Variants in PIGU observed in about 807,000 individuals in gnomAD.
The protein encoded by PIGU is GPI-anchor transamidase component PIGU.
Under a neutral mutation model 49.9 loss-of-function variants are expected in PIGU, and 24 were observed. The ratio of observed to expected loss-of-function variants is 0.48; its 90% CI spans 0.35 to 0.68. The LOEUF is 0.68. PIGU is among the 30% of genes least tolerant of loss of function. The pLI is 0.01. For synonymous variants in PIGU, 220 were observed against 205.7 expected (o/e 1.07, Z -0.59); for missense variants, 490 against 532.6 (o/e 0.92, Z 0.79).
At chr20:34,608,127 T>G (rs2146733534) in intron 7 of PIGU, among the ~76,000 whole-genome samples, 1 of 147,048 alleles carries the variant, frequency 6.8e-6, no homozygotes, top group South Asian at 2.1e-4. Context: ...CAGGCTGGAG[T>G]GCAGTGGTGC....
At chr20:34,639,009 T>C (rs1241580211) in intron 4 of PIGU, among the ~76,000 whole-genome samples, 1 of 152,176 alleles carries the variant, frequency 6.6e-6, no homozygotes, top group African/African-American at 2.4e-5. Flanking sequence ...TGTGCTTAAC[T>C]GTGAAGGATT....
intron 6 of PIGU, among the ~76,000 whole-genome samples, chr20:34,632,001 G>C (rs1985797698): frequency 6.7e-6 from 1 of 149,444 alleles, no homozygotes. Context: ...CACCACACCT[G>C]GCTAATTTTG....
intron 11 of PIGU, among the ~76,000 whole-genome samples, chr20:34,568,052 C>A (rs765195064): frequency 6.6e-6 from 1 of 152,142 alleles, no homozygotes; most frequent in Non-Finnish European, 1.5e-5. Context: ...TCTCATTCAC[C>A]CCTCGCAGAG....
At chr20:34,662,659 T>C (rs1233306668) in intron 1 of PIGU, among the ~76,000 whole-genome samples, 1 of 152,126 alleles carries the variant, frequency 6.6e-6, no homozygotes, top group African/African-American at 2.4e-5. Context: ...TTTTCAAAAT[T>C]GCACATTTTT....
chr20:34,606,405 T>C (rs1396938971), intron 7 of PIGU, among the ~76,000 whole-genome samples: 1 of 152,170 alleles, frequency 6.6e-6, no homozygotes, highest in Non-Finnish European at 1.5e-5. Flanking sequence ...AGTTATTGTG[T>C]CTCTTTAGTC....
At chr20:34,606,499 C>T (rs1361062324) in intron 7 of PIGU, among the ~76,000 whole-genome samples, 2 of 152,094 alleles carry the variant, frequency 1.3e-5, no homozygotes, top group African/African-American at 4.8e-5. Context: ...TACCATAGTA[C>T]ATTCTGGTTT....
chr20:34,578,052 T>C (rs2146702446), intron 10 of PIGU, among the ~76,000 whole-genome samples: 1 of 152,346 alleles, frequency 6.6e-6, no homozygotes, highest in African/African-American at 2.4e-5. Flanking sequence ...AAGTCCTTCA[T>C]TTTATAACAT....
intron 11 of PIGU, among the ~76,000 whole-genome samples, chr20:34,569,990 C>G (rs184922245): frequency 6.6e-6 from 1 of 152,290 alleles, no homozygotes; most frequent in East Asian, 1.9e-4. Flanking sequence ...CCTCAGTTTC[C>G]TCATTTGTAT....
chr20:34,667,190 A>C (rs1232637526), intron 1 of PIGU, among the ~76,000 whole-genome samples: 1 of 152,162 alleles, frequency 6.6e-6, no homozygotes. Flanking sequence ...TGATAATAAA[A>C]GCATATCATC....
At chr20:34,675,054 G>A (rs1987452020) in intron 1 of PIGU, among the ~76,000 whole-genome samples, 2 of 151,626 alleles carry the variant, frequency 1.3e-5, no homozygotes, top group Non-Finnish European at 2.9e-5. Context: ...TTCAAGACCA[G>A]CCTGACCAAC....
At chr20:34,595,110 AAAAAAAAAG>A (rs1984149331) in intron 7 of PIGU, among the ~76,000 whole-genome samples, 2 of 150,794 alleles carry the variant, frequency 1.3e-5, no homozygotes, top group African/African-American at 2.4e-5. Context: ...AAAAAAAAAA[AAAAAAAAAG>A]AAAAGAAAAT....
chr20:34,625,709 T>A, intron 6 of PIGU, among the ~76,000 whole-genome samples: 1 of 134,508 alleles, frequency 7.4e-6, no homozygotes, highest in Non-Finnish European at 1.6e-5. Context: ...CAAGACTCTG[T>A]CTCAAAAAAA....
At chr20:34,600,430 A>G (rs1456811710) in intron 7 of PIGU, among the ~76,000 whole-genome samples, 8 of 152,076 alleles carry the variant, frequency 5.3e-5, no homozygotes, top group Admixed American at 5.2e-4. Context: ...AAAGAAAAGA[A>G]AAAAGAGAAA....
intron 7 of PIGU, among the ~76,000 whole-genome samples, chr20:34,607,136 G>A (rs1299457345): frequency 4.6e-5 from 7 of 152,216 alleles, no homozygotes; most frequent in Non-Finnish European, 1.0e-4. Flanking sequence ...TTGACACAAT[G>A]CAAATGCAAA....
intron 2 of PIGU, 73 bp from the exon 3 acceptor site, chr20:34,645,407 TG>T (rs1986310945): frequency 1.4e-6 from 2 of 1,457,890 alleles, no homozygotes; most frequent in Admixed American, 5.6e-5. Context: ...GAGTAGAGAG[TG>T]GGGAGAAAAC....
At chr20:34,614,251 T>G (rs1037771800) in intron 7 of PIGU, among the ~76,000 whole-genome samples, 3 of 151,988 alleles carry the variant, frequency 2.0e-5, no homozygotes, top group African/African-American at 7.3e-5. Context: ...GAACCGTGAC[T>G]GCGGCACTGC....
At chr20:34,660,350 C>G (rs758423093) in intron 1 of PIGU, among the ~76,000 whole-genome samples, 6 of 152,116 alleles carry the variant, frequency 3.9e-5, no homozygotes, top group Non-Finnish European at 7.3e-5. Flanking sequence ...TTTGGGAGGC[C>G]AAGGCAGGTG....
intron 2 of PIGU, among the ~76,000 whole-genome samples, chr20:34,652,267 A>G (rs945238751): frequency 2.6e-5 from 4 of 152,150 alleles, no homozygotes; most frequent in Non-Finnish European, 5.9e-5. Context: ...GGCCTCCCAA[A>G]GTGCTAGGAT....
chr20:34,632,244 C>G (rs1985806023), intron 6 of PIGU, among the ~76,000 whole-genome samples: 1 of 152,022 alleles, frequency 6.6e-6, no homozygotes, highest in African/African-American at 2.4e-5. Context: ...GCAATGCCTT[C>G]AAAATTCTAA....
Sources: gnomAD v4.1 joint callset for allele counts (sites outside exome capture counted in the v4.1 genomes callset) on GRCh38, gnomAD v4.1.1 for gene constraint, MANE v1.5 for transcripts, NCBI Gene and HGNC (gene_info 2026-07-23, HGNC 2026-07-21) for gene names.